Variants in EEA1 observed in about 807,000 individuals in gnomAD.
The protein encoded by EEA1 is early endosome antigen 1.
A neutral mutation model predicts 209.2 loss-of-function variants in EEA1; 111 were observed. That is an observed-to-expected ratio of 0.53 (90% CI 0.45 to 0.62). EEA1 has a LOEUF of 0.62. Among genes scored for constraint, EEA1 ranks in the 20% least tolerant of loss-of-function variants. The pLI, the probability that EEA1 is intolerant of heterozygous loss-of-function variation, is 0.00. For missense variants in EEA1, 1,343 were observed against 1,530.8 expected (o/e 0.88, Z 2.05); for synonymous variants, 536 against 540.6 (o/e 0.99, Z 0.12).
rs1300744071 is a variant in EEA1, at chr12:92,773,168, G to A, written c.*2843C>T. ...GCATTTTTTTAAAAAAACTCCTATA[G>A]TCAAACAGGTCATGAATATCAAAAT... On this transcript the variant is annotated 3_prime_UTR_variant, in exon 29 of 29. Transcript: ENST00000322349. 1 of 151,974 alleles carries A rather than the reference G, an allele frequency of 6.6e-6. No homozygotes were observed. Among genetic ancestry groups the A allele is most frequent in the African/African-American group, 2.4e-5 (1 of 41,356 alleles). 9.4% of individuals were successfully genotyped at this position (151,974 alleles called of 1,614,324 possible).
chr12:92,852,599 ATAC>A (rs1436666975), intron 7 of EEA1, among the ~76,000 whole-genome samples: 9 of 152,152 alleles, frequency 5.9e-5, no homozygotes, highest in African/African-American at 1.4e-4. Context: ...TGTTACATTT[ATAC>A]TACATTATTT....
intron 6 of EEA1, among the ~76,000 whole-genome samples, chr12:92,853,475 G>A (rs113777792): frequency 1.3e-5 from 2 of 151,936 alleles, no homozygotes; most frequent in Non-Finnish European, 2.9e-5. Flanking sequence ...CACCAAGCCT[G>A]GCTCAAAAAG....
At position 92,857,478 on chromosome 12, in the gene EEA1, C is replaced by T. The variant is rs754525716; in HGVS notation, c.253G>A (p.Val85Ile). The stretch of plus-strand genomic sequence containing the variant: ...TGGACCTCTTGTCTGAGCAGTGTTA[C>T]ATCATCTCTAAATAAAAATGGGAGG... ...ESNLALKRDD[V>I]TLLRQEVQDL... Residue 85 changes from valine to isoleucine, a missense_variant, in exon 4 of 29, where the codon GTA (valine) becomes ATA (isoleucine). Coordinates refer to ENST00000322349, the MANE Select transcript of EEA1 (RefSeq NM_003566.4). 8.3e-6 allele frequency: 13 copies of T among 1,571,936 alleles called. No individual in the cohort carries two copies. The highest frequency in any genetic ancestry group is 1.4e-5 in the African/African-American group (1 of 73,134).
rs1300140912 is a variant in EEA1 at position 92,929,290 on chromosome 12, G to C, written c.-224C>G. ...GCGAACGACTAGGCAGCCTGCGAGC[G>C]CCTCCAGCCCGCCCGCCGGGCAGCC... is the stretch of plus-strand genomic sequence containing the variant. On this transcript the variant is annotated 5_prime_UTR_variant, in exon 1 of 29. Transcript: ENST00000322349. The C allele has an allele frequency of 1.9e-5, 5 of 257,848 alleles. No homozygotes were observed. In the East Asian group the frequency reaches 3.5e-4, roughly 18 times the overall value. The allele number at this position is 257,848 out of a possible 1,614,324, so 16.0% of individuals were successfully genotyped here. A position where few individuals can be genotyped will look rare whatever the true frequency, so the allele number is the denominator to read the frequency against.
At position 92,882,421 on chromosome 12, in the gene EEA1, T is replaced by TC. The variant is rs768962854; in HGVS notation, c.117+9207dup. Among the ~76,000 whole-genome samples the TC allele has an allele frequency of 5.0e-3, 752 of 151,360 alleles. 2 individuals are homozygous for TC. The highest frequency in any genetic ancestry group is 7.4e-3 in the Non-Finnish European group (500 of 67,826). On this transcript the variant is annotated intron_variant, in intron 2 of 28. Coordinates refer to ENST00000322349, the MANE Select transcript of EEA1 (RefSeq NM_003566.4). ...CGTACCTGGCATCTTTTTTTTTTTT[T>TC]CCACTTTTATTTTAGATTCAGAGGG...
At chr12:92,894,131 T>TA (rs1364705786) in intron 1 of EEA1, among the ~76,000 whole-genome samples, 1 of 152,158 alleles carries the variant, frequency 6.6e-6, no homozygotes, top group Non-Finnish European at 1.5e-5. Context: ...TCTTTGAAGT[T>TA]ACTACTGCAA....
chr12:92,879,563 G>C (rs1164773328), intron 2 of EEA1, among the ~76,000 whole-genome samples: 1 of 151,150 alleles, frequency 6.6e-6, no homozygotes, highest in Non-Finnish European at 1.5e-5. Context: ...AAAGAAGGGA[G>C]AGAGGGAGGG....
intron 1 of EEA1, among the ~76,000 whole-genome samples, chr12:92,897,303 G>C (rs1359261751): frequency 6.6e-6 from 1 of 152,176 alleles, no homozygotes; most frequent in East Asian, 1.9e-4. Flanking sequence ...GTATAACTGT[G>C]TAGCTTTACC....
intron 26 of EEA1, 103 bp downstream of exon 26, chr12:92,777,838 A>G: frequency 1.8e-5 from 23 of 1,302,900 alleles, no homozygotes; most frequent in Non-Finnish European, 2.3e-5. Context: ...ATAGAGGCTT[A>G]TGCACTTTTC....
chr12:92,835,633 G>T (rs1183134852), intron 10 of EEA1, among the ~76,000 whole-genome samples: 1 of 151,578 alleles, frequency 6.6e-6, no homozygotes, highest in East Asian at 1.9e-4. Context: ...AGCTGGTCTC[G>T]ATCTCCTGAC....
intron 2 of EEA1, among the ~76,000 whole-genome samples, chr12:92,874,311 C>A (rs916530486): frequency 1.3e-5 from 2 of 151,992 alleles, no homozygotes; most frequent in African/African-American, 2.4e-5. Context: ...TAGAGTGAGA[C>A]CCTGTCTCAA....
In EEA1 at chr12:92,864,882, C is replaced by G. The variant is rs1158285891; in HGVS notation, c.223G>C (p.Glu75Gln). Residue 75 changes from glutamate (E) to glutamine (Q), a missense_variant, in exon 3 of 29, where the codon GAG (glutamate) becomes CAG (glutamine). Around this residue, in one of 3 missense-constraint regions of EEA1, gnomAD observed 1,307 missense variants for 1,465.5 expected, o/e 0.89. Coordinates refer to ENST00000322349, the MANE Select transcript of EEA1 (RefSeq NM_003566.4). ...DAGNDSGHGG[E>Q]SNLALKRDDV... is the part of the protein sequence containing the mutation. ...TACCGCTTCAAAGCAAGATTAGACT[C>G]TCCTCCATGACCTGAGTCATTACCA... is the stretch of plus-strand genomic sequence containing the variant. 4 of 1,605,554 alleles carry G rather than the reference C, an allele frequency of 2.5e-6. No individual in the cohort carries two copies. The highest frequency in any genetic ancestry group is 2.3e-5 in the South Asian group (2 of 88,852).
chr12:92,910,324 C>G (rs568387337), intron 1 of EEA1, among the ~76,000 whole-genome samples: 1 of 151,726 alleles, frequency 6.6e-6, no homozygotes, highest in East Asian at 1.9e-4. Context: ...CAAAAATTAG[C>G]CGGGCATGGT....
At chr12:92,853,069 A>T (rs1345117369) in intron 6 of EEA1, 44 bp from the exon 7 acceptor site, 1 of 1,227,454 alleles carries the variant, frequency 8.1e-7, no homozygotes, top group Non-Finnish European at 1.2e-6. Context: ...TGTTAATTAC[A>T]TATGCTAAAT....
Position 92,778,143 on chromosome 12 carries a change from T to G in EEA1, c.3691A>C (p.Lys1231Gln). Residue 1231 changes from lysine (K) to glutamine (Q), a missense_variant, in exon 26 of 29, where the codon AAG (lysine) becomes CAG (glutamine). Coordinates refer to ENST00000322349, the MANE Select transcript of EEA1 (RefSeq NM_003566.4). ...EIKEKEVGMK[K>Q]HEENEAKLTM... ...AGTTTAGCCTCATTTTCTTCATGCTTCTTCATTCCTACTTCCTTTTCTTTT... is the reference window on the plus strand; with the variant it reads ...AGTTTAGCCTCATTTTCTTCATGCTGCTTCATTCCTACTTCCTTTTCTTTT... The G allele has an allele frequency of 3.1e-6, 5 of 1,612,950 alleles. No individual in the cohort carries two copies. Among genetic ancestry groups the G allele is most frequent in the Non-Finnish European group, 8.5e-7 (1 of 1,179,354 alleles).
intron 12 of EEA1, 119 bp from the exon 13 acceptor site, chr12:92,826,404 G>A (rs1263773329): frequency 3.3e-6 from 3 of 902,622 alleles, no homozygotes; most frequent in Non-Finnish European, 4.8e-6. Context: ...GAATATATAA[G>A]ATAAACTTTA....
At chr12:92,819,238 A>G in intron 14 of EEA1, 70 bp downstream of exon 14, 1 of 1,315,452 alleles carries the variant, frequency 7.6e-7, no homozygotes, top group Non-Finnish European at 1.0e-6. Flanking sequence ...AATCATTTAA[A>G]TAAAGCACTT....
intron 21 of EEA1, among the ~76,000 whole-genome samples, chr12:92,790,453 T>A (rs1177313413): frequency 6.6e-6 from 1 of 152,084 alleles, no homozygotes; most frequent in Non-Finnish European, 1.5e-5. Flanking sequence ...GAGATGGAGC[T>A]GAAAACCATG....
chr12:92,851,110 C>T lies in EEA1; in HGVS notation c.798+1G>A. On this transcript the variant is annotated splice_donor_variant, in intron 9 of 28. Transcript: ENST00000322349. LOFTEE classifies it high-confidence loss of function. The stretch of plus-strand genomic sequence containing the variant: ...CATTTAAGTACAATGAACTTCATTA[C>T]CTCTGAGCTAGCATATTGTGACTGC... The T allele has an allele frequency of 6.2e-7, 1 of 1,613,248 alleles. No homozygotes were observed. Among genetic ancestry groups the T allele is most frequent in the Non-Finnish European group, 8.5e-7 (1 of 1,179,724 alleles).
Sources: gnomAD v4.1 joint callset for allele counts (sites outside exome capture counted in the v4.1 genomes callset) on GRCh38, gnomAD v4.1.1 for gene constraint, gnomAD v4.1.1 regional missense constraint, MANE v1.5 for transcripts, NCBI Gene and HGNC (gene_info 2026-07-23, HGNC 2026-07-21) for gene names.